MKI67: variants seen among roughly 807,000 people sequenced by gnomAD.
The protein encoded by MKI67 is marker of proliferation Ki-67.
A neutral mutation model predicts 233.5 loss-of-function variants in MKI67; 152 were observed. The ratio of observed to expected loss-of-function variants is 0.65; its 90% confidence interval spans 0.57 to 0.74. MKI67 has a LOEUF of 0.74. Among genes scored for constraint, MKI67 ranks in the 30% least tolerant of loss-of-function variants. The pLI, the probability that MKI67 is intolerant of heterozygous loss-of-function variation, is 0.00. For synonymous variants in MKI67, 1,465 were observed against 1,418.5 expected (o/e 1.03, Z -0.74); for missense variants, 3,940 against 3,885.2 (o/e 1.01, Z -0.37).
At chr10:128,110,788 C>T (rs1186089415) in intron 11 of MKI67, among the ~76,000 whole-genome samples, 1 of 152,176 alleles carries the variant, frequency 6.6e-6, no homozygotes, top group Non-Finnish European at 1.5e-5. Context: ...GTTAGCTGAC[C>T]TCTGGGTCCT....
Position 128,105,029 on chromosome 10 carries a change from G to A in MKI67, c.6811C>T (p.Pro2271Ser), listed in dbSNP as rs1188678233. Residue 2271 changes from proline (P) to serine (S), a missense_variant, in exon 13 of 15, where the codon CCA becomes TCA. Coordinates refer to ENST00000368654, the MANE Select transcript of MKI67 (RefSeq NM_002417.5). ...SVGKAMDTPK[P>S]AGGDEKDMKA... is the part of the protein sequence containing the mutation. The stretch of plus-strand genomic sequence containing the variant: ...ATGTCTTTCTCATCACCTCCTGCTG[G>A]TTTGGGTGTGTCCATAGCTTTCCCT... The A allele has an allele frequency of 1.9e-6, 3 of 1,612,948 alleles. No individual in the cohort carries two copies. Among genetic ancestry groups the A allele is most frequent in the South Asian group, 1.1e-5 (1 of 91,038 alleles).
rs764361328 is a variant in MKI67 at position 128,109,242 on chromosome 10, T to G, written c.2598A>C (p.Ser866=). 1.9e-6 allele frequency: 3 copies of G among 1,614,086 alleles called. No individual in the cohort carries two copies. Among genetic ancestry groups the G allele is most frequent in the Admixed American group, 3.3e-5 (2 of 60,008 alleles). Reference sequence around the variant, plus strand: ...ACCTGTTTGCAGTGGATACTGTTTTTGAAGGCTCTGTCTCAGTATCTGAAG... The same window carrying G: ...ACCTGTTTGCAGTGGATACTGTTTTGGAAGGCTCTGTCTCAGTATCTGAAG... ...TKTSDTETEP[S]KTVSTANRSG... Residue 866 remains serine (S), a synonymous_variant, in exon 13 of 15, where the codon TCA becomes TCC. Coordinates refer to ENST00000368654, the MANE Select transcript of MKI67 (RefSeq NM_002417.5).
chr10:128,104,914 T>A lies in MKI67; in HGVS notation c.6926A>T (p.Lys2309Met). Residue 2309 changes from lysine to methionine, a missense_variant, in exon 13 of 15, where the codon AAG becomes ATG. Lys to Met is a moderately conservative substitution (Grantham distance 95). Transcript: ENST00000368654. ...AGCCAGGTCTTCTAGAGCCTGGGCC[T>A]TTTCCTTAGGAGTTTGTGGCCATCT... ...SKRWPQTPKE[K>M]AQALEDLAGF... The A allele has an allele frequency of 6.2e-7, 1 of 1,612,178 alleles. No individual in the cohort carries two copies. Among genetic ancestry groups the A allele is most frequent in the Non-Finnish European group, 8.5e-7 (1 of 1,179,640 alleles).
At chr10:128,117,237 C>A (rs538529133) in intron 5 of MKI67, among the ~76,000 whole-genome samples, 1 of 152,356 alleles carries the variant, frequency 6.6e-6, no homozygotes. Flanking sequence ...CTACTGACTG[C>A]GTCATCAGTT....
At position 128,115,259 on chromosome 10, in the gene MKI67, G is replaced by T; in HGVS notation, c.1149C>A (p.Phe383Leu). The part of the protein sequence containing the change: ...ESVNLGKSEG[F>L]KAGDKTLTPR... Reference sequence around the variant, plus strand: ...GAGTAAGAGTTTTATCACCAGCCTTGAAGCCTTCACTTTTACCCAGATTCA... The same window carrying T: ...GAGTAAGAGTTTTATCACCAGCCTTTAAGCCTTCACTTTTACCCAGATTCA... The change falls in exon 7 of 15, where the codon TTC (phenylalanine) becomes TTA (leucine). Residue 383 changes from phenylalanine to leucine, a missense_variant. By Grantham distance (22) the Phe-to-Leu change is conservative. Transcript: ENST00000368654. The T allele has an allele frequency of 6.2e-7, 1 of 1,614,206 alleles. No homozygotes were observed. The highest frequency in any genetic ancestry group is 2.2e-5 in the East Asian group (1 of 44,890).
Position 128,105,623 on chromosome 10 carries a change from G to T in MKI67, c.6217C>A (p.Leu2073Ile), listed in dbSNP as rs150532224. The change falls in exon 13 of 15, where the codon CTA becomes ATA. Residue 2073 changes from leucine to isoleucine, a missense_variant. Coordinates refer to ENST00000368654, the MANE Select transcript of MKI67 (RefSeq NM_002417.5). ...PRTPKEEAQS[L>I]EDLAGFKELF... ...TCTTTGAAGCCGGCCAGGTCTTCTAGTGATTGGGCCTCTTCCTTAGGTGTT... is the reference window on the plus strand; with the variant it reads ...TCTTTGAAGCCGGCCAGGTCTTCTATTGATTGGGCCTCTTCCTTAGGTGTT... The T allele has an allele frequency of 4.7e-5, 76 of 1,613,956 alleles. No homozygotes were observed. The Middle Eastern group carries it at 6.6e-4, about 14-fold the overall frequency.
chr10:128,113,422 C>T lies in MKI67; in HGVS notation c.1656+5G>A. The T allele has an allele frequency of 1.9e-6, 3 of 1,614,066 alleles. No homozygotes were observed. The highest frequency in any genetic ancestry group is 2.5e-6 in the Non-Finnish European group (3 of 1,179,936). ...CGTGAATGGGATGCTGCTTGTTCAA[C>T]TCACCTTGATGATTTTCTTCAGGAC... On this transcript the variant is annotated splice_donor_5th_base_variant and intron_variant, in intron 8 of 14. Coordinates refer to ENST00000368654, the MANE Select transcript of MKI67 (RefSeq NM_002417.5).
chr10:128,117,307 C>T (rs1240181906), intron 5 of MKI67, among the ~76,000 whole-genome samples: 2 of 152,192 alleles, frequency 1.3e-5, no homozygotes, highest in East Asian at 1.9e-4. Context: ...GCATGTGCGC[C>T]CTCTTGGCTG....
At chr10:128,121,493 TTACTA>T in intron 4 of MKI67, among the ~76,000 whole-genome samples, 1 of 127,360 alleles carries the variant, frequency 7.9e-6, no homozygotes, top group Non-Finnish European at 1.6e-5. Context: ...ATATTATATA[TTACTA>T]TATAACATAT....
rs183791074 is a variant in MKI67, at chr10:128,099,607, G to A, written c.9706-352C>T. On this transcript the variant is annotated intron_variant, in intron 14 of 14. Coordinates refer to ENST00000368654, the MANE Select transcript of MKI67 (RefSeq NM_002417.5). ...AAAAAGTGAATCCAACCAGGATTAA[G>A]TCTTTTGGGTCTCCTAAACCAAGGA... Among the ~76,000 whole-genome samples, 213 of 152,326 alleles carry A rather than the reference G, an allele frequency of 1.4e-3. 1 individual carries two copies. Among genetic ancestry groups the A allele is most frequent in the African/African-American group, 4.8e-3 (200 of 41,562 alleles).
At chr10:128,117,044 C>G (rs1852821878) in intron 5 of MKI67, among the ~76,000 whole-genome samples, 1 of 152,186 alleles carries the variant, frequency 6.6e-6, no homozygotes, top group Non-Finnish European at 1.5e-5. Context: ...TTAGCTGACT[C>G]ATTAAAAAAT....
intron 4 of MKI67, among the ~76,000 whole-genome samples, chr10:128,120,473 C>A (rs1346368529): frequency 6.6e-6 from 1 of 151,916 alleles, no homozygotes; most frequent in Non-Finnish European, 1.5e-5. Context: ...GCCTGGGTGA[C>A]AGAGCAAGAC....
rs2071496 is a variant in MKI67 at position 128,103,237 on chromosome 10, G to C, written c.8603C>G (p.Thr2868Ser). ...TACCGGCTCTTTGTCGGTGTGCGTGGTCTCCCCTGAGGTTTGTGTGAGCTT... is the reference window on the plus strand; with the variant it reads ...TACCGGCTCTTTGTCGGTGTGCGTGCTCTCCCCTGAGGTTTGTGTGAGCTT... Reference protein sequence around the residue: ...VGKLTQTSGETTHTDKEPVGE... With the variant: ...VGKLTQTSGESTHTDKEPVGE... Residue 2868 changes from threonine (T) to serine (S), a missense_variant, in exon 13 of 15, where the codon ACC becomes AGC. Coordinates refer to ENST00000368654, the MANE Select transcript of MKI67 (RefSeq NM_002417.5). 0.24 allele frequency: 383,432 copies of C among 1,614,008 alleles called. 47,225 individuals are homozygous for C. The highest frequency in any genetic ancestry group is 0.31 in the Admixed American group (18,427 of 60,016).
At position 128,116,410 on chromosome 10, in the gene MKI67, C is replaced by T. The variant is rs757749665; in HGVS notation, c.400+81G>A. On this transcript the variant is annotated intron_variant, in intron 6 of 14. Transcript: ENST00000368654. The stretch of plus-strand genomic sequence containing the variant: ...AGGCTAGACATTTAGCACTTGCATT[C>T]TTGTTGCCCCTTCTTTGCCAATATG... 2.4e-6 allele frequency: 3 copies of T among 1,273,424 alleles called. No individual in the cohort carries two copies. The East Asian group carries it at 7.0e-5, about 30-fold the overall frequency. 78.9% of individuals were successfully genotyped at this position (1,273,424 alleles called of 1,614,324 possible).
Position 128,125,643 on chromosome 10 carries a change from T to C in MKI67, c.25A>G (p.Thr9Ala), listed in dbSNP as rs759557688. 4.3e-6 allele frequency: 7 copies of C among 1,613,748 alleles called. No individual in the cohort carries two copies. The African/African-American group carries it at 9.3e-5, about 22-fold the overall frequency. Reference sequence around the variant, plus strand: ...CCGTCGACCCCGCTCCTTTTGATAGTAACCAGGCGTCTCGTGGGCCACATT... The same window carrying C: ...CCGTCGACCCCGCTCCTTTTGATAGCAACCAGGCGTCTCGTGGGCCACATT... MWPTRRLVTIKRSGVDGPH... is the reference protein window; with the variant it reads MWPTRRLVAIKRSGVDGPH... Residue 9 changes from threonine to alanine, a missense_variant, in exon 2 of 15, where the codon ACT becomes GCT. By Grantham distance (58) the Thr-to-Ala change is moderately conservative. Transcript: ENST00000368654. The surrounding 1 kb of genome is among the most constrained non-coding windows in gnomAD (Gnocchi z 5.3).
rs1852884612 is a variant in MKI67 at position 128,119,457 on chromosome 10, A to C, written c.288-138T>G. ...AGACATCACCTTATACAAAGAAATA[A>C]ATTTAGAGTTAGAAAAGTGCTTTTA... On this transcript the variant is annotated intron_variant, in intron 4 of 14. Coordinates refer to ENST00000368654, the MANE Select transcript of MKI67 (RefSeq NM_002417.5). 14 of 593,688 alleles carry C rather than the reference A, an allele frequency of 2.4e-5. No individual in the cohort carries two copies. The South Asian group carries it at 3.0e-4, about 13-fold the overall frequency. The allele number at this position is 593,688 out of a possible 1,614,324, so 36.8% of individuals were successfully genotyped here. A position where few individuals can be genotyped will look rare whatever the true frequency, so the allele number is the denominator to read the frequency against.
intron 4 of MKI67, among the ~76,000 whole-genome samples, chr10:128,120,840 G>A (rs1447041121): frequency 6.6e-6 from 1 of 152,084 alleles, no homozygotes; most frequent in African/African-American, 2.4e-5. Flanking sequence ...GTACTAACAT[G>A]AGACAAAATC....
rs41305024 is a variant in MKI67, at chr10:128,108,343, A to G, written c.3497T>C (p.Leu1166Pro). Residue 1166 changes from leucine to proline, a missense_variant, in exon 13 of 15, where the codon CTA (leucine) becomes CCA (proline). By Grantham distance (98) the Leu-to-Pro change is moderately conservative. Transcript: ENST00000368654. Reference sequence around the variant, plus strand: ...CATGGCTTTCCCTGCTGATGGTGTTAGTTTCCTGAGTGCTAAGAATTCTTC... The same window carrying G: ...CATGGCTTTCCCTGCTGATGGTGTTGGTTTCCTGAGTGCTAAGAATTCTTC... ...VEEEFLALRKLTPSAGKAMLT... is the reference protein window; with the variant it reads ...VEEEFLALRKPTPSAGKAMLT... The G allele has an allele frequency of 0.015, 24,219 of 1,613,772 alleles. 218 individuals are homozygous for G. The highest frequency in any genetic ancestry group is 0.042 in the Middle Eastern group (252 of 6,058).
rs1284830051 is a variant in MKI67, at chr10:128,112,127, A to G, written c.1969+6T>C. 1.9e-6 allele frequency: 3 copies of G among 1,613,130 alleles called. No individual in the cohort carries two copies. Among genetic ancestry groups the G allele is most frequent in the Non-Finnish European group, 2.5e-6 (3 of 1,179,212 alleles). ...CTTAATATATGTATTCTAATGTCAGACTAACCAATCAGATTTGCTTCCGAA... is the reference window on the plus strand; with the variant it reads ...CTTAATATATGTATTCTAATGTCAGGCTAACCAATCAGATTTGCTTCCGAA... On this transcript the variant is annotated splice_donor_region_variant and intron_variant, in intron 9 of 14. Transcript: ENST00000368654.
Sources: gnomAD v4.1 joint callset for allele counts (sites outside exome capture counted in the v4.1 genomes callset) on GRCh38, gnomAD v4.1.1 for gene constraint, Gnocchi (gnomAD v3.1) non-coding constraint, MANE v1.5 for transcripts, NCBI Gene and HGNC (gene_info 2026-07-23, HGNC 2026-07-21) for gene names.